Variants in PMEPA1 observed in about 807,000 individuals in gnomAD.
PMEPA1 encodes the protein prostate transmembrane protein, androgen induced 1.
Under a neutral mutation model 23.0 loss-of-function variants are expected in PMEPA1, and 11 were observed. The observed-to-expected ratio is 0.48, with a 90% CI of 0.30 to 0.79. The LOEUF is 0.79. PMEPA1 is among the 30% of genes least tolerant of loss of function. The probability of loss-of-function intolerance (pLI) is 0.06; values close to 1 mark genes in which losing one functional copy is unlikely to be tolerated. For synonymous variants in PMEPA1, 204 were observed against 166.4 expected, an observed-to-expected ratio of 1.23 and a Z score of -1.74; for missense variants, 377 against 390.9, an observed-to-expected ratio of 0.96 and a Z score of 0.30.
At chr20:57,701,115 C>T (rs1404334941) in intron 1 of PMEPA1, among the ~76,000 whole-genome samples, 1 of 152,000 alleles carries the variant, frequency 6.6e-6, no homozygotes, top group Non-Finnish European at 1.5e-5. Flanking sequence ...TTTCTGACAT[C>T]CTTATTAGTT....
At chr20:57,690,290 G>C (rs2071860852) in intron 1 of PMEPA1, 1 of 568,372 alleles carries the variant, frequency 1.8e-6, no homozygotes, top group South Asian at 1.5e-5. Context: ...CCACCCGGGG[G>C]GGCCGGGCCC....
At chr20:57,691,361 GC>G (rs762780324) in intron 1 of PMEPA1, among the ~76,000 whole-genome samples, 2 of 152,204 alleles carry the variant, frequency 1.3e-5, no homozygotes, top group African/African-American at 2.4e-5. Context: ...CAGCAGAGGG[GC>G]TGCGCTAGGG....
Position 57,651,849 on chromosome 20 carries a change from T to G in PMEPA1, c.*204A>C. On this transcript the variant is annotated 3_prime_UTR_variant, in exon 4 of 4. Coordinates refer to ENST00000341744, the MANE Select transcript of PMEPA1 (RefSeq NM_020182.5). ...AAAGAAACGTGGTTTTTTTTTTTCT[T>G]TTTTCTTTTTTTTTTTGCAAGCTCT... The G allele has an allele frequency of 5.4e-6, 2 of 372,422 alleles. No homozygotes were observed. Among genetic ancestry groups the G allele is most frequent in the Non-Finnish European group, 4.6e-6 (1 of 217,830 alleles). The allele number at this position is 372,422 out of a possible 1,614,324, so 23.1% of individuals were successfully genotyped here.
At chr20:57,703,969 G>C (rs1272046738) in intron 1 of PMEPA1, among the ~76,000 whole-genome samples, 1 of 152,056 alleles carries the variant, frequency 6.6e-6, no homozygotes, top group African/African-American at 2.4e-5. Context: ...GGCACAAAGG[G>C]GACACGGCCA....
At chr20:57,658,472 C>T (rs950368839) in intron 2 of PMEPA1, among the ~76,000 whole-genome samples, 52 of 152,210 alleles carry the variant, frequency 3.4e-4, no homozygotes, top group African/African-American at 1.1e-3. Context: ...ACTTCCCAAA[C>T]GCAGGGGGAA....
Position 57,648,683 on chromosome 20 carries a change from C to T in PMEPA1, c.*3370G>A, listed in dbSNP as rs1018396295. 6.6e-6 allele frequency: 1 copy of T among 152,296 alleles called. No individual in the cohort carries two copies. The highest frequency in any genetic ancestry group is 2.1e-4 in the South Asian group (1 of 4,834). 9.4% of individuals were successfully genotyped at this position (152,296 alleles called of 1,614,324 possible). On this transcript the variant is annotated 3_prime_UTR_variant, in exon 4 of 4. Coordinates refer to ENST00000341744, the MANE Select transcript of PMEPA1 (RefSeq NM_020182.5). ...GGAATCAGCACAACAGCCATGGAAT[C>T]AGGCAGGCAGGGGAGGACGGGCTGT...
intron 1 of PMEPA1, among the ~76,000 whole-genome samples, chr20:57,673,193 C>A (rs944244982): frequency 9.2e-5 from 14 of 152,036 alleles, no homozygotes; most frequent in African/African-American, 3.1e-4. Context: ...GGGGCCACAC[C>A]TTTGCCCGGG....
rs1399261791 is a variant in PMEPA1, at chr20:57,676,678, T to C, written c.110-16981A>G. 3.3e-5 allele frequency among the ~76,000 whole-genome samples: 5 copies of C among 152,328 alleles called. No individual in the cohort carries two copies. In the South Asian group the frequency reaches 6.2e-4, roughly 19 times the overall value. ...CCGACTGGCTGGGGATCAGCTCTCC[T>C]GCCCTCGAGGGGCGGAGCTGTGGGA... On this transcript the variant is annotated intron_variant, in intron 1 of 3. Transcript: ENST00000341744.
chr20:57,703,574 G>A (rs2072039488), intron 1 of PMEPA1, among the ~76,000 whole-genome samples: 1 of 152,196 alleles, frequency 6.6e-6, no homozygotes, highest in South Asian at 2.1e-4. Context: ...GGCCAGCAAC[G>A]GGCATGCTGG....
intron 1 of PMEPA1, among the ~76,000 whole-genome samples, chr20:57,688,048 C>T (rs2071824848): frequency 6.6e-6 from 1 of 152,202 alleles, no homozygotes; most frequent in Non-Finnish European, 1.5e-5. Context: ...GTGGTTCAGG[C>T]CTCTCTGCTA....
At chr20:57,677,003 A>G (rs1052104337) in intron 1 of PMEPA1, among the ~76,000 whole-genome samples, 1 of 152,034 alleles carries the variant, frequency 6.6e-6, no homozygotes, top group African/African-American at 2.4e-5. Context: ...TGCACTTCCC[A>G]TCTCCTTCCT....
rs569823730 is a variant in PMEPA1, at chr20:57,698,133, G to A, written c.109+11341C>T. On this transcript the variant is annotated intron_variant, in intron 1 of 3. Coordinates refer to ENST00000341744, the MANE Select transcript of PMEPA1 (RefSeq NM_020182.5). ...TCCCTCCCGTGTCAGCCTGCTCAGA[G>A]ATCAAGATCCATAAACACAGGGAGA... is the stretch of plus-strand genomic sequence containing the variant. Among the ~76,000 whole-genome samples, 9 of 152,272 alleles carry A rather than the reference G, an allele frequency of 5.9e-5. No individual in the cohort carries two copies. In the East Asian group the frequency reaches 1.5e-3, roughly 26 times the overall value.
Position 57,684,784 on chromosome 20 carries a change from T to C in PMEPA1, c.109+24690A>G, listed in dbSNP as rs540368159. On this transcript the variant is annotated intron_variant, in intron 1 of 3. Coordinates refer to ENST00000341744, the MANE Select transcript of PMEPA1 (RefSeq NM_020182.5). ...TTTTATTTGTCTAGGCATGTAGGCA[T>C]GCCACAAAACAAAACATTGCCACAA... Among the ~76,000 whole-genome samples, 30 of 149,678 alleles carry C rather than the reference T, an allele frequency of 2.0e-4. No homozygotes were observed. In the East Asian group the frequency reaches 5.6e-3, roughly 28 times the overall value.
At chr20:57,676,618 G>A (rs2071640018) in intron 1 of PMEPA1, among the ~76,000 whole-genome samples, 1 of 152,234 alleles carries the variant, frequency 6.6e-6, no homozygotes, top group African/African-American at 2.4e-5. Context: ...AGACCTAGAT[G>A]GGAGCTCACG....
chr20:57,664,459 C>T lies in PMEPA1; in HGVS notation c.110-4762G>A, dbSNP rs368557818. ...CTTGGGGGAGAGAAAGGTGCCTCCC[C>T]GCAAAGGCCTTGGAGTCAAGTTCAA... On this transcript the variant is annotated intron_variant, in intron 1 of 3. Transcript: ENST00000341744. Among the ~76,000 whole-genome samples, 36 of 152,342 alleles carry T rather than the reference C, an allele frequency of 2.4e-4. No homozygotes were observed. The South Asian group carries it at 7.2e-3, about 31-fold the overall frequency.
In PMEPA1 at chr20:57,650,944, G is replaced by C. The variant is rs78651555; in HGVS notation, c.*1109C>G. On this transcript the variant is annotated 3_prime_UTR_variant, in exon 4 of 4. Coordinates refer to ENST00000341744, the MANE Select transcript of PMEPA1 (RefSeq NM_020182.5). ...AAGCGCCCTGCAGAGACAAGTCATC[G>C]AGCCCTCTGGCATGTCCCTGGTAGC... 0.02 allele frequency: 3,063 copies of C among 152,322 alleles called. 54 individuals carry two copies. Among genetic ancestry groups the C allele is most frequent in the Middle Eastern group, 0.037 (11 of 294 alleles). The allele number at this position is 152,322 out of a possible 1,614,324, so 9.4% of individuals were successfully genotyped here. A position where few individuals can be genotyped will look rare whatever the true frequency, so the allele number is the denominator to read the frequency against.
At chr20:57,685,341 T>C (rs2071786734) in intron 1 of PMEPA1, among the ~76,000 whole-genome samples, 1 of 152,128 alleles carries the variant, frequency 6.6e-6, no homozygotes, top group South Asian at 2.1e-4. Flanking sequence ...TGAGCAAGTG[T>C]TTTGAAATCC....
At chr20:57,658,416 G>A (rs1437681099) in intron 2 of PMEPA1, among the ~76,000 whole-genome samples, 2 of 152,146 alleles carry the variant, frequency 1.3e-5, no homozygotes, top group Non-Finnish European at 2.9e-5. Context: ...TCCTGTCTGC[G>A]CCCATCCAAC....
At position 57,651,843 on chromosome 20, in the gene PMEPA1, TTTTC is replaced by T. The variant is rs2071234398; in HGVS notation, c.*206_*209del. ...CTCAACAAAGAAACGTGGTTTTTTT[TTTTC>T]TTTTTTCTTTTTTTTTTTGCAAGCT... On this transcript the variant is annotated 3_prime_UTR_variant, in exon 4 of 4. Transcript: ENST00000341744. The T allele has an allele frequency of 2.2e-5, 8 of 366,630 alleles. No homozygotes were observed. Among genetic ancestry groups the T allele is most frequent in the African/African-American group, 9.3e-5 (4 of 43,094 alleles). 22.7% of individuals were successfully genotyped at this position (366,630 alleles called of 1,614,324 possible).
Sources: gnomAD v4.1 joint callset for allele counts (sites outside exome capture counted in the v4.1 genomes callset) on GRCh38, gnomAD v4.1.1 for gene constraint, MANE v1.5 for transcripts, NCBI Gene and HGNC (gene_info 2026-07-23, HGNC 2026-07-21) for gene names.